KHDRBS2: variants seen among roughly 807,000 people sequenced by gnomAD.
The protein encoded by KHDRBS2 is KH domain-containing, RNA-binding, signal transduction-associated protein 2.
Under a neutral mutation model 44.3 loss-of-function variants are expected in KHDRBS2, and 26 were observed. The ratio of observed to expected loss-of-function variants is 0.59; its 90% CI spans 0.43 to 0.81. KHDRBS2 has a LOEUF of 0.81. KHDRBS2 is among the 40% of genes least tolerant of loss of function. The pLI is 0.00. For missense variants in KHDRBS2, 476 were observed against 433.1 expected (o/e 1.10, Z -0.88); for synonymous variants, 194 against 151.1 (o/e 1.28, Z -2.08).
chr6:62,251,570 C>G (rs1311190098), intron 1 of KHDRBS2, among the ~76,000 whole-genome samples: 1 of 151,840 alleles, frequency 6.6e-6, no homozygotes, highest in Non-Finnish European at 1.5e-5. Flanking sequence ...TACAACAATT[C>G]TGTTTTGTTA....
chr6:61,703,294 T>G (rs1026786580), intron 7 of KHDRBS2, among the ~76,000 whole-genome samples: 1 of 151,828 alleles, frequency 6.6e-6, no homozygotes, highest in African/African-American at 2.4e-5. Context: ...AAAAATTCAT[T>G]TTATTATTTT....
At chr6:61,655,577 A>AT in the KHDRBS2 span, among the ~76,000 whole-genome samples, 19 of 151,766 alleles carry the variant, frequency 1.3e-4, no homozygotes, top group Non-Finnish European at 1.9e-4. Flanking sequence ...TTTAAGACAT[A>AT]TTTTTTTTCT....
At chr6:61,925,672 T>C (rs2127362433) in intron 4 of KHDRBS2, among the ~76,000 whole-genome samples, 1 of 150,914 alleles carries the variant, frequency 6.6e-6, no homozygotes, top group Non-Finnish European at 1.5e-5. Context: ...CAGTGAGCCT[T>C]GATTGGACCA....
At chr6:61,774,119 C>T (rs934725400) in intron 6 of KHDRBS2, among the ~76,000 whole-genome samples, 48 of 152,176 alleles carry the variant, frequency 3.2e-4, no homozygotes, top group African/African-American at 9.2e-4. Context: ...ATTGACTTGG[C>T]GATGCAGGCT....
At chr6:61,564,220 C>T in the KHDRBS2 span, among the ~76,000 whole-genome samples, 1 of 152,068 alleles carries the variant, frequency 6.6e-6, no homozygotes, top group South Asian at 2.1e-4. Context: ...ATTTAATGGG[C>T]ATTTTATTAA....
intron 6 of KHDRBS2, among the ~76,000 whole-genome samples, chr6:61,846,749 T>C (rs1794469981): frequency 6.6e-6 from 1 of 151,460 alleles, no homozygotes; most frequent in South Asian, 2.1e-4. Flanking sequence ...CTGTGGAATT[T>C]GGTAGTTCTA....
chr6:61,669,846 T>C, the KHDRBS2 span, among the ~76,000 whole-genome samples: 2 of 151,222 alleles, frequency 1.3e-5, no homozygotes, highest in Non-Finnish European at 3.0e-5. Flanking sequence ...GATACAACTT[T>C]AATCATCCCC....
intron 4 of KHDRBS2, among the ~76,000 whole-genome samples, chr6:61,960,072 A>G (rs1309699284): frequency 1.9e-5 from 2 of 104,096 alleles, no homozygotes; most frequent in Non-Finnish European, 1.9e-5. Context: ...TTCTCGCCAA[A>G]TATTTCCCTG....
chr6:62,162,328 T>C (rs368447927), intron 2 of KHDRBS2, among the ~76,000 whole-genome samples: 1 of 152,054 alleles, frequency 6.6e-6, no homozygotes, highest in South Asian at 2.1e-4. Flanking sequence ...TGTATTACTT[T>C]TAAAGAACAG....
chr6:61,742,167 A>G (rs1055506619), intron 6 of KHDRBS2, among the ~76,000 whole-genome samples: 1 of 151,984 alleles, frequency 6.6e-6, no homozygotes, highest in Non-Finnish European at 1.5e-5. Flanking sequence ...CTGCCCTTTA[A>G]TATTATTGAA....
At chr6:61,568,986 ATGGGG>A in the KHDRBS2 span, among the ~76,000 whole-genome samples, 1 of 32,320 alleles carries the variant, frequency 3.1e-5, no homozygotes, top group Non-Finnish European at 7.5e-5. Flanking sequence ...GAGTGGGCAT[ATGGGG>A]AAGTGTGAGG....
At chr6:61,709,772 T>G (rs1004077883) in intron 7 of KHDRBS2, among the ~76,000 whole-genome samples, 1 of 151,738 alleles carries the variant, frequency 6.6e-6, no homozygotes, top group Non-Finnish European at 1.5e-5. Flanking sequence ...AACTGTTACA[T>G]GCTTTTGGTA....
chr6:61,872,690 A>G (rs1173666900), intron 6 of KHDRBS2, among the ~76,000 whole-genome samples: 9 of 152,292 alleles, frequency 5.9e-5, no homozygotes, highest in Non-Finnish European at 1.2e-4. Context: ...CCCAAATAAT[A>G]TATCAATTCT....
At chr6:62,030,401 G>A (rs1238713265) in intron 3 of KHDRBS2, among the ~76,000 whole-genome samples, 1 of 151,944 alleles carries the variant, frequency 6.6e-6, no homozygotes, top group Admixed American at 6.6e-5. Context: ...GACATTTCAT[G>A]AATCAATTTG....
chr6:61,978,646 A>C (rs1316469142), intron 3 of KHDRBS2, among the ~76,000 whole-genome samples: 5 of 152,034 alleles, frequency 3.3e-5, no homozygotes, highest in Non-Finnish European at 5.9e-5. Flanking sequence ...ACTTTTTGAG[A>C]AGTTAGGAAG....
At chr6:61,825,734 A>T (rs1790753502) in intron 6 of KHDRBS2, among the ~76,000 whole-genome samples, 1 of 152,140 alleles carries the variant, frequency 6.6e-6, no homozygotes. Context: ...ATCTGGGTTC[A>T]GATGGTAGCT....
At chr6:61,838,240 T>G (rs1356263845) in intron 6 of KHDRBS2, among the ~76,000 whole-genome samples, 1 of 152,164 alleles carries the variant, frequency 6.6e-6, no homozygotes, top group East Asian at 1.9e-4. Context: ...TTAAAAAGCT[T>G]GTGTTGTTAA....
At chr6:61,658,811 T>C in the KHDRBS2 span, among the ~76,000 whole-genome samples, 1 of 151,944 alleles carries the variant, frequency 6.6e-6, no homozygotes, top group South Asian at 2.1e-4. Context: ...TAATCATCTT[T>C]TGCATATAGG....
rs985989285 is a variant in KHDRBS2 at position 62,161,580 on chromosome 6, G to C, written c.219+15605C>G. ...CGAGAATTTTGGTATTTGCGGGGGG[G>C]GGGGGGGTCCCAGAACAAATCCTCT... On this transcript the variant is annotated intron_variant, in intron 2 of 8. Coordinates refer to ENST00000281156, the MANE Select transcript of KHDRBS2 (RefSeq NM_152688.4). Among the ~76,000 whole-genome samples, 37 of 128,020 alleles carry C rather than the reference G, an allele frequency of 2.9e-4. 5 individuals are homozygous for C. Among genetic ancestry groups the C allele is most frequent in the African/African-American group, 1.0e-3 (35 of 33,368 alleles). 84.0% of individuals were successfully genotyped at this position (128,020 alleles called of 152,430 possible). A position where few individuals can be genotyped will look rare whatever the true frequency, so the allele number is the denominator to read the frequency against.
Sources: allele counts gnomAD v4.1 joint callset (sites outside exome capture counted in the v4.1 genomes callset), GRCh38; gene constraint gnomAD v4.1.1; transcripts MANE v1.5; gene names NCBI Gene and HGNC (gene_info 2026-07-23, HGNC 2026-07-21).